Variants in SPTLC1 observed in about 807,000 individuals in gnomAD.
SPTLC1 encodes serine palmitoyltransferase 1.
In SPTLC1, 55 loss-of-function variants were observed where a neutral mutation model predicts 68.9. The observed-to-expected ratio is 0.80, with a 90% CI of 0.64 to 1.00. The LOEUF (loss-of-function observed/expected upper bound fraction) is 1.00, where lower values mean the gene tolerates loss of function less well. Among genes scored for constraint, SPTLC1 ranks in the 50% least tolerant of loss-of-function variants. The pLI is 0.00. For synonymous variants in SPTLC1, 197 were observed against 201.6 expected (o/e 0.98, Z 0.19); for missense variants, 449 against 573.1 (o/e 0.78, Z 2.21).
intron 7 of SPTLC1, among the ~76,000 whole-genome samples, chr9:92,056,717 C>T (rs752183138): frequency 1.3e-5 from 2 of 151,960 alleles, no homozygotes; most frequent in Non-Finnish European, 2.9e-5. Context: ...CTCCAATGGA[C>T]AATTAGAAAT....
chr9:92,099,542 C>T (rs1407039960), intron 3 of SPTLC1, among the ~76,000 whole-genome samples: 7 of 149,858 alleles, frequency 4.7e-5, no homozygotes, highest in Non-Finnish European at 1.0e-4. Context: ...CACAGTGGCA[C>T]AATCTTGTTT....
chr9:92,104,907 G>A (rs931817997), intron 3 of SPTLC1: 90 of 1,534,210 alleles, frequency 5.9e-5, no homozygotes, highest in Non-Finnish European at 6.6e-5. Context: ...TACTCCAAGG[G>A]CCATGGAGTC....
At chr9:92,057,789 TAG>T (rs1833947252) in intron 7 of SPTLC1, among the ~76,000 whole-genome samples, 4 of 152,180 alleles carry the variant, frequency 2.6e-5, no homozygotes, top group Admixed American at 1.3e-4. Flanking sequence ...AACCAAAATG[TAG>T]AGTTACTTAG....
At chr9:92,073,523 G>A (rs749519185) in intron 5 of SPTLC1, among the ~76,000 whole-genome samples, 1 of 152,182 alleles carries the variant, frequency 6.6e-6, no homozygotes, top group African/African-American at 2.4e-5. Flanking sequence ...GGAGACCACT[G>A]AGAACAAAGG....
At chr9:92,068,990 A>G (rs1051021124) in intron 5 of SPTLC1, among the ~76,000 whole-genome samples, 7 of 152,182 alleles carry the variant, frequency 4.6e-5, no homozygotes, top group Non-Finnish European at 8.8e-5. Context: ...AGGACTAGAT[A>G]ACAGAGTTTC....
chr9:92,049,779 G>A (rs28391324), intron 9 of SPTLC1, among the ~76,000 whole-genome samples, 181 bp downstream of exon 9: 16,398 of 152,130 alleles, frequency 0.11, 1,910 homozygotes, highest in African/African-American at 0.3. Flanking sequence ...AGGAAGATGG[G>A]GTTCCCTGGT....
chr9:92,046,055 T>C lies in SPTLC1; in HGVS notation c.1082-2A>G. 1.9e-6 allele frequency: 3 copies of C among 1,612,328 alleles called. No individual in the cohort carries two copies. Among genetic ancestry groups the C allele is most frequent in the Non-Finnish European group, 2.5e-6 (3 of 1,178,914 alleles). On this transcript the variant is annotated splice_acceptor_variant, in intron 11 of 14. Coordinates refer to ENST00000262554, the MANE Select transcript of SPTLC1 (RefSeq NM_006415.4). LOFTEE classifies it high-confidence loss of function. ...TTTCCTTCAACACTGCAAAAATACCTAGATGAAAAAAATACGTTTGAGAGT... is the reference window on the plus strand; with the variant it reads ...TTTCCTTCAACACTGCAAAAATACCCAGATGAAAAAAATACGTTTGAGAGT...
chr9:92,082,701 C>T (rs1447150726), intron 3 of SPTLC1, among the ~76,000 whole-genome samples: 1 of 152,014 alleles, frequency 6.6e-6, no homozygotes, highest in Non-Finnish European at 1.5e-5. Flanking sequence ...AATAAACATA[C>T]GTGTGCATGT....
At chr9:92,079,689 C>A in intron 5 of SPTLC1, 1 of 878,628 alleles carries the variant, frequency 1.1e-6, no homozygotes, top group Non-Finnish European at 1.9e-6. Flanking sequence ...AGGGGTTCCG[C>A]TCTCATCAGT....
At chr9:92,096,299 C>A (rs1835525973) in intron 3 of SPTLC1, among the ~76,000 whole-genome samples, 2 of 152,162 alleles carry the variant, frequency 1.3e-5, no homozygotes, top group African/African-American at 4.8e-5. Context: ...CCCATCCTCA[C>A]CCCTCTAAAA....
At chr9:92,059,049 T>A (rs1288911606) in intron 7 of SPTLC1, 130 bp downstream of exon 7, 3 of 1,087,126 alleles carry the variant, frequency 2.8e-6, no homozygotes, top group African/African-American at 3.1e-5. Context: ...GTACATTTAA[T>A]AAGCAGGAAC....
chr9:92,067,009 A>T (rs949081798), intron 6 of SPTLC1, among the ~76,000 whole-genome samples: 3 of 151,874 alleles, frequency 2.0e-5, no homozygotes, highest in African/African-American at 4.8e-5. Context: ...AAATAAAAAT[A>T]AAAAAAGGCC....
In SPTLC1 at chr9:92,090,545, G is replaced by A. The variant is rs145687601; in HGVS notation, c.261-9582C>T. On this transcript the variant is annotated intron_variant, in intron 3 of 14. Coordinates refer to ENST00000262554, the MANE Select transcript of SPTLC1 (RefSeq NM_006415.4). ...GAGAATCCCTTGCACCTGGGAGAGAGACACTGCAGTGAGCTGAGACGGTGC... is the reference window on the plus strand; with the variant it reads ...GAGAATCCCTTGCACCTGGGAGAGAAACACTGCAGTGAGCTGAGACGGTGC... Among the ~76,000 whole-genome samples, 264 of 152,014 alleles carry A rather than the reference G, an allele frequency of 1.7e-3. 2 individuals are homozygous for A. In the Middle Eastern group the frequency reaches 0.02, roughly 12 times the overall value.
At chr9:92,048,358 A>G (rs1833590867) in intron 9 of SPTLC1, among the ~76,000 whole-genome samples, 1 of 152,162 alleles carries the variant, frequency 6.6e-6, no homozygotes, top group Admixed American at 6.5e-5. Flanking sequence ...GCATTCAATC[A>G]TTACTTACTG....
rs545548649 is a variant in SPTLC1 at position 92,077,413 on chromosome 9, C to A, written c.427+2603G>T. 1.9e-4 allele frequency among the ~76,000 whole-genome samples: 29 copies of A among 152,180 alleles called. No homozygotes were observed. In the Middle Eastern group the frequency reaches 0.01, roughly 54 times the overall value. On this transcript the variant is annotated intron_variant, in intron 5 of 14. Transcript: ENST00000262554. The stretch of plus-strand genomic sequence containing the variant: ...AACTCTAGAACCTCGGTGGACAGGA[C>A]CTTACCTGGTCGTCTATAGTACCCC...
At chr9:92,094,828 C>T (rs2118758559) in intron 3 of SPTLC1, among the ~76,000 whole-genome samples, 1 of 152,288 alleles carries the variant, frequency 6.6e-6, no homozygotes, top group Non-Finnish European at 1.5e-5. Context: ...CCTCATTGAC[C>T]AGCAGGGCAT....
chr9:92,112,654 T>C lies in SPTLC1; in HGVS notation c.58-92A>G. ...CTACACCTGCATATACTGCCTCCTG[T>C]GACTTTTAGCCTATTCTTAACAATT... On this transcript the variant is annotated intron_variant, in intron 1 of 14. Transcript: ENST00000262554. The C allele has an allele frequency of 3.8e-6, 3 of 795,150 alleles. No homozygotes were observed. In the South Asian group the frequency reaches 4.3e-5, roughly 11 times the overall value. The allele number at this position is 795,150 out of a possible 1,614,324, so 49.3% of individuals were successfully genotyped here. A position where few individuals can be genotyped will look rare whatever the true frequency, so the allele number is the denominator to read the frequency against.
rs201105388 is a variant in SPTLC1, at chr9:92,086,737, C to T, written c.261-5774G>A. Among the ~76,000 whole-genome samples, 38 of 152,216 alleles carry T rather than the reference C, an allele frequency of 2.5e-4. 1 individual carries two copies. The South Asian group carries it at 6.9e-3, about 27-fold the overall frequency. On this transcript the variant is annotated intron_variant, in intron 3 of 14. Transcript: ENST00000262554. ...TTATGTGTCTTGGAGTTGCTCTTCT[C>T]AAGGAGTATCTTTGTGGTGTTCTCT...
intron 12 of SPTLC1, among the ~76,000 whole-genome samples, chr9:92,045,307 T>C (rs565619828): frequency 6.0e-5 from 9 of 150,376 alleles, no homozygotes; most frequent in African/African-American, 2.2e-4. Flanking sequence ...AATCACTTTA[T>C]ATAAGACCAG....
Sources: allele counts gnomAD v4.1 joint callset (sites outside exome capture counted in the v4.1 genomes callset), GRCh38; gene constraint gnomAD v4.1.1; transcripts MANE v1.5; gene names NCBI Gene and HGNC (gene_info 2026-07-23, HGNC 2026-07-21).